The following PLCB4 variants were observed in gnomAD, a reference collection of about 807,000 sequenced individuals.
The protein encoded by PLCB4 is 1-phosphatidylinositol 4,5-bisphosphate phosphodiesterase beta-4.
In PLCB4, 77 loss-of-function variants were observed where a neutral mutation model predicts 178.8. The ratio of observed to expected loss-of-function variants is 0.43; its 90% CI spans 0.36 to 0.52. The LOEUF (loss-of-function observed/expected upper bound fraction) is 0.52. Among genes scored for constraint, PLCB4 ranks in the 20% least tolerant of loss-of-function variants. PLCB4 has a pLI of 0.00. For synonymous variants in PLCB4, 496 were observed against 490.8 expected, an observed-to-expected ratio of 1.01 and a Z score of -0.14; for missense variants, 1,024 against 1,453.4, an observed-to-expected ratio of 0.70 and a Z score of 4.80.
chr20:9,115,290 TG>T (rs760508944), intron 2 of PLCB4, among the ~76,000 whole-genome samples: 21 of 152,118 alleles, frequency 1.4e-4, no homozygotes, highest in Non-Finnish European at 2.6e-4. Flanking sequence ...GAAACTGAGG[TG>T]GAATGTGTAC....
chr20:9,341,817 A>G (rs2033238227), intron 7 of PLCB4, among the ~76,000 whole-genome samples: 2 of 152,110 alleles, frequency 1.3e-5, no homozygotes, highest in African/African-American at 4.8e-5. Context: ...TTGCCATTGA[A>G]ATTTAAGAGC....
chr20:9,457,929 A>G (rs898689015), intron 34 of PLCB4, among the ~76,000 whole-genome samples: 4 of 152,184 alleles, frequency 2.6e-5, no homozygotes, highest in Non-Finnish European at 5.9e-5. Flanking sequence ...AAGAGCTGAT[A>G]TTCTAAAAGA....
intron 2 of PLCB4, among the ~76,000 whole-genome samples, chr20:9,153,103 C>G (rs2092718950): frequency 6.6e-6 from 1 of 152,150 alleles, no homozygotes. Context: ...TAGGAAGTAA[C>G]TAGCTTGCTT....
chr20:9,475,591 G>A (rs1427501683), intron 38 of PLCB4, among the ~76,000 whole-genome samples: 1 of 152,196 alleles, frequency 6.6e-6, no homozygotes, highest in Admixed American at 6.5e-5. Context: ...TCAAGGAAAA[G>A]ACATTCAAGA....
At chr20:9,182,406 G>A (rs906187553) in intron 2 of PLCB4, among the ~76,000 whole-genome samples, 3 of 152,152 alleles carry the variant, frequency 2.0e-5, no homozygotes, top group Non-Finnish European at 2.9e-5. Context: ...CGGGAGGCAT[G>A]TTCTTCGTTT....
chr20:9,402,064 T>A (rs755958348), intron 20 of PLCB4, among the ~76,000 whole-genome samples: 1 of 152,124 alleles, frequency 6.6e-6, no homozygotes, highest in Non-Finnish European at 1.5e-5. Flanking sequence ...ATACTTACCT[T>A]TTGTCAGGCA....
At chr20:9,162,301 T>C (rs942645788) in intron 2 of PLCB4, among the ~76,000 whole-genome samples, 4 of 152,204 alleles carry the variant, frequency 2.6e-5, no homozygotes, top group African/African-American at 9.7e-5. Flanking sequence ...AATTGTTTTG[T>C]CTTTAATCCA....
At chr20:9,248,026 G>GC (rs796343828) in intron 3 of PLCB4, among the ~76,000 whole-genome samples, 6 of 152,204 alleles carry the variant, frequency 3.9e-5, no homozygotes, top group African/African-American at 1.4e-4. Flanking sequence ...CAGAATCAAT[G>GC]CATGTGTCCT....
intron 3 of PLCB4, among the ~76,000 whole-genome samples, chr20:9,229,171 T>A (rs2093903125): frequency 6.6e-6 from 1 of 152,208 alleles, no homozygotes; most frequent in South Asian, 2.1e-4. Flanking sequence ...CAGCCTTTTT[T>A]AAGGATCTCC....
intron 4 of PLCB4, among the ~76,000 whole-genome samples, chr20:9,333,019 T>C (rs2031924272): frequency 6.6e-6 from 1 of 152,184 alleles, no homozygotes; most frequent in African/African-American, 2.4e-5. Context: ...GCCCTTGTAA[T>C]TGCACTTCTA....
chr20:9,141,639 G>A (rs1011729536), intron 2 of PLCB4, among the ~76,000 whole-genome samples: 12 of 152,162 alleles, frequency 7.9e-5, no homozygotes, highest in African/African-American at 2.2e-4. Context: ...ATGTATCTCC[G>A]TGGAGGGTGT....
At chr20:9,183,243 C>T (rs2093276163) in intron 2 of PLCB4, among the ~76,000 whole-genome samples, 1 of 152,066 alleles carries the variant, frequency 6.6e-6, no homozygotes, top group African/African-American at 2.4e-5. Context: ...CCAAGGTACC[C>T]CAAGCATAAT....
chr20:9,414,605 C>T (rs1165445108), intron 25 of PLCB4, among the ~76,000 whole-genome samples: 2 of 152,168 alleles, frequency 1.3e-5, no homozygotes, highest in Non-Finnish European at 2.9e-5. Flanking sequence ...CACAAACACC[C>T]CCAGGATCTA....
intron 2 of PLCB4, among the ~76,000 whole-genome samples, chr20:9,122,357 TTAACA>T (rs1359095805): frequency 6.6e-6 from 1 of 152,140 alleles, no homozygotes; most frequent in Non-Finnish European, 1.5e-5. Flanking sequence ...TTTTTTTCTG[TTAACA>T]TTATATTGTG....
chr20:9,193,546 G>C (rs2093431323), intron 2 of PLCB4, among the ~76,000 whole-genome samples: 1 of 152,302 alleles, frequency 6.6e-6, no homozygotes. Flanking sequence ...GTGAATATTA[G>C]ATTAGTGGGT....
intron 30 of PLCB4, among the ~76,000 whole-genome samples, chr20:9,441,832 A>G (rs1046063420): frequency 6.6e-6 from 1 of 152,062 alleles, no homozygotes; most frequent in African/African-American, 2.4e-5. Flanking sequence ...GCAGACCTCT[A>G]TGAAGGTGGG....
chr20:9,258,259 A>AAT (rs2094257590), intron 3 of PLCB4, among the ~76,000 whole-genome samples: 2 of 152,176 alleles, frequency 1.3e-5, no homozygotes, highest in Admixed American at 1.3e-4. Context: ...TTTTTATGTA[A>AAT]ATGTTAGATA....
chr20:9,140,166 T>C (rs561588857), intron 2 of PLCB4, among the ~76,000 whole-genome samples: 1 of 152,182 alleles, frequency 6.6e-6, no homozygotes, highest in South Asian at 2.1e-4. Context: ...GGCTGTCTCC[T>C]CTCTCCCGGT....
intron 2 of PLCB4, among the ~76,000 whole-genome samples, chr20:9,155,677 C>T (rs888143813): frequency 2.6e-5 from 4 of 152,132 alleles, no homozygotes; most frequent in African/African-American, 9.7e-5. Flanking sequence ...TTGGGATCCT[C>T]AAAGCTCAGT....
Sources: gnomAD v4.1 joint callset for allele counts (sites outside exome capture counted in the v4.1 genomes callset) on GRCh38, gnomAD v4.1.1 for gene constraint, MANE v1.5 for transcripts, NCBI Gene and HGNC (gene_info 2026-07-23, HGNC 2026-07-21) for gene names.